Variants in CTCFL observed in about 807,000 individuals in gnomAD.
CTCFL encodes transcriptional repressor CTCFL.
Under a neutral mutation model 67.4 loss-of-function variants are expected in CTCFL, and 36 were observed. That is an observed-to-expected ratio of 0.53 (90% CI 0.41 to 0.71). The LOEUF is 0.71. Ranked by LOEUF, CTCFL falls within the 30% of genes least tolerant of loss-of-function variation. CTCFL has a pLI of 0.00. For synonymous variants in CTCFL, 324 were observed against 302.3 expected (o/e 1.07, Z -0.75); for missense variants, 786 against 835.2 (o/e 0.94, Z 0.73).
At chr20:57,515,661 T>A in intron 6 of CTCFL, 53 bp downstream of exon 6, 12 of 1,607,686 alleles carry the variant, frequency 7.5e-6, no homozygotes, top group Non-Finnish European at 1.0e-5. Context: ...TTTTAAAGCT[T>A]GCTTTAAGAG....
intron 9 of CTCFL, chr20:57,506,782 A>G: frequency 1.0e-6 from 1 of 984,858 alleles, no homozygotes; most frequent in Non-Finnish European, 1.2e-6. Context: ...TTCTTGCACC[A>G]AAGAGCAGTT....
chr20:57,518,696 G>C, intron 5 of CTCFL, 62 bp downstream of exon 5: 1 of 1,613,674 alleles, frequency 6.2e-7, no homozygotes, highest in Non-Finnish European at 8.5e-7. Flanking sequence ...TACACTTGGA[G>C]TAACTTGTAC....
In CTCFL at chr20:57,511,596, CTT is replaced by C. The variant is rs1555851901; in HGVS notation, c.1491+994_1491+995del. ...TAAAAAAATCACTCTAATCCCCCCC[CTT>C]TTTTTTTTTTTGAGATGGAGTTTTG... is the stretch of plus-strand genomic sequence containing the variant. On this transcript the variant is annotated intron_variant, in intron 8 of 10. Transcript: ENST00000243914. 5.8e-4 allele frequency among the ~76,000 whole-genome samples: 79 copies of C among 135,074 alleles called. 2 individuals are homozygous for C. The South Asian group carries it at 0.017, about 28-fold the overall frequency. 88.6% of individuals were successfully genotyped at this position (135,074 alleles called of 152,430 possible).
intron 9 of CTCFL, among the ~76,000 whole-genome samples, chr20:57,505,491 C>T (rs1333400770): frequency 2.0e-5 from 3 of 151,954 alleles, no homozygotes; most frequent in East Asian, 3.9e-4. Flanking sequence ...CTCCTGACCT[C>T]GTGATCCGCC....
At chr20:57,518,620 A>G (rs758963630) in intron 5 of CTCFL, 138 bp downstream of exon 5, 1 of 1,551,844 alleles carries the variant, frequency 6.4e-7, no homozygotes. Context: ...GAGAATGCAT[A>G]TTATTTCCTG....
At chr20:57,506,246 G>A (rs188751089) in intron 9 of CTCFL, among the ~76,000 whole-genome samples, 171 of 152,316 alleles carry the variant, frequency 1.1e-3, no homozygotes, top group African/African-American at 3.9e-3. Context: ...ATGACGCTAC[G>A]CTTACTGGCC....
chr20:57,497,230 A>T lies in CTCFL; in HGVS notation c.*1320T>A, dbSNP rs746738566. 4 of 965,414 alleles carry T rather than the reference A, an allele frequency of 4.1e-6. No homozygotes were observed. Among genetic ancestry groups the T allele is most frequent in the Non-Finnish European group, 2.5e-6 (2 of 811,762 alleles). 59.8% of individuals were successfully genotyped at this position (965,414 alleles called of 1,614,324 possible). ...AACATCTTTAAATAACAGTAAAAAA[A>T]TTAAGAAACCATTGCACAAATTCAG... On this transcript the variant is annotated 3_prime_UTR_variant, in exon 11 of 11. Coordinates refer to ENST00000243914, the MANE Select transcript of CTCFL (RefSeq NM_001386993.1).
chr20:57,502,103 G>C (rs2067948125), intron 10 of CTCFL, among the ~76,000 whole-genome samples: 1 of 152,234 alleles, frequency 6.6e-6, no homozygotes, highest in South Asian at 2.1e-4. Context: ...GCACTGCCTG[G>C]GACCCCTCAG....
chr20:57,507,537 G>T, intron 9 of CTCFL: 2 of 699,750 alleles, frequency 2.9e-6, no homozygotes, highest in South Asian at 1.5e-5. Flanking sequence ...AAGGCACCAT[G>T]GCTTCCTACT....
chr20:57,496,858 T>A (rs780228633), downstream of CTCFL, among the ~76,000 whole-genome samples: 3 of 152,170 alleles, frequency 2.0e-5, no homozygotes, highest in Non-Finnish European at 4.4e-5. Flanking sequence ...GTCCATGGAA[T>A]TTGGGTTGTT....
chr20:57,510,525 A>G (rs1478996417), intron 8 of CTCFL, among the ~76,000 whole-genome samples: 1 of 152,230 alleles, frequency 6.6e-6, no homozygotes, highest in Non-Finnish European at 1.5e-5. Flanking sequence ...TTCAAATGTC[A>G]CTAAGTGTGC....
Position 57,523,969 on chromosome 20 carries a change from G to A in CTCFL, c.237C>T (p.Ile79=), listed in dbSNP as rs948236972. 6.2e-7 allele frequency: 1 copy of A among 1,613,008 alleles called. No individual in the cohort carries two copies. Among genetic ancestry groups the A allele is most frequent in the Non-Finnish European group, 8.5e-7 (1 of 1,180,018 alleles). Residue 79 remains isoleucine, a synonymous_variant, in exon 2 of 11, where the codon ATC becomes ATT. Coordinates refer to ENST00000243914, the MANE Select transcript of CTCFL (RefSeq NM_001386993.1). ...TGAAGTGCACCGTCTGCAGGGTCAG[G>A]ATGTACTTCTCGCTCTCCTCCGAGG... ...LAPSEESEKY[I]LTLQTVHFTS...
At chr20:57,516,935 G>C (rs1022427057) in intron 5 of CTCFL, among the ~76,000 whole-genome samples, 1 of 152,172 alleles carries the variant, frequency 6.6e-6, no homozygotes, top group Admixed American at 6.5e-5. Flanking sequence ...GCTACACGTG[G>C]ACTACAGACA....
intron 1 of CTCFL, 63 bp downstream of exon 1, chr20:57,524,965 C>T (rs1037802701): frequency 1.0e-4 from 16 of 156,254 alleles, no homozygotes; most frequent in East Asian, 1.9e-4. Context: ...CCTCCGCCCA[C>T]GCCCAGAACA....
chr20:57,517,816 C>T (rs571952943), intron 5 of CTCFL, among the ~76,000 whole-genome samples: 1 of 152,006 alleles, frequency 6.6e-6, no homozygotes, highest in Non-Finnish European at 1.5e-5. Flanking sequence ...GAAGTTTGTA[C>T]TAAGCACCGG....
At chr20:57,497,093 G>A (rs140807229), downstream of CTCFL, 75 of 294,080 alleles carry the variant, frequency 2.6e-4, 2 homozygotes, top group East Asian at 0.011. Flanking sequence ...AGTGCACAAC[G>A]GTTCCAATTT....
Position 57,515,918 on chromosome 20 carries a change from T to A in CTCFL, c.1060-84A>T. On this transcript the variant is annotated intron_variant, in intron 5 of 10. Coordinates refer to ENST00000243914, the MANE Select transcript of CTCFL (RefSeq NM_001386993.1). ...CATTAATCAGCATTGTAAAAGAGAT[T>A]TAAATTAATCATATTTTAACATCAG... The A allele has an allele frequency of 2.1e-6, 3 of 1,430,692 alleles. No homozygotes were observed. In the East Asian group the frequency reaches 6.9e-5, roughly 33 times the overall value. 88.6% of individuals were successfully genotyped at this position (1,430,692 alleles called of 1,614,324 possible). A position where few individuals can be genotyped will look rare whatever the true frequency, so the allele number is the denominator to read the frequency against.
At chr20:57,513,972 T>C (rs2146373928) in intron 7 of CTCFL, 1 of 1,077,220 alleles carries the variant, frequency 9.3e-7, no homozygotes, top group African/African-American at 1.6e-5. Flanking sequence ...AAATCCCAGC[T>C]CCTAGGCCTG....
At chr20:57,509,265 G>A (rs1013827998) in intron 8 of CTCFL, among the ~76,000 whole-genome samples, 1 of 150,474 alleles carries the variant, frequency 6.6e-6, no homozygotes, top group Non-Finnish European at 1.5e-5. Flanking sequence ...CAATAGTATC[G>A]TAACAGATCT....
Sources: allele counts gnomAD v4.1 joint callset (sites outside exome capture counted in the v4.1 genomes callset), GRCh38; gene constraint gnomAD v4.1.1; transcripts MANE v1.5; gene names NCBI Gene and HGNC (gene_info 2026-07-23, HGNC 2026-07-21).